DIS3L2: variants seen among roughly 807,000 people sequenced by gnomAD.
DIS3L2 encodes the protein DIS3 like 3'-5' exoribonuclease 2, also known as DIS3-like exonuclease 2.
In DIS3L2, 34 loss-of-function variants were observed where a neutral mutation model predicts 97.5. That is an observed-to-expected ratio of 0.35 (90% CI 0.27 to 0.46). The LOEUF (loss-of-function observed/expected upper bound fraction) is 0.46. Among genes scored for constraint, DIS3L2 ranks in the 20% least tolerant of loss-of-function variants. The probability of loss-of-function intolerance (pLI) is 1.00; values close to 1 mark genes in which losing one functional copy is unlikely to be tolerated. For synonymous variants in DIS3L2, 435 were observed against 445.2 expected (o/e 0.98, Z 0.29); for missense variants, 1,038 against 1,146.0 (o/e 0.91, Z 1.36).
intron 5 of DIS3L2, 102 bp from the exon 6 acceptor site, chr2:232,087,385 G>A (rs955033152): frequency 2.2e-5 from 18 of 823,426 alleles, no homozygotes; most frequent in South Asian, 3.7e-5. Context: ...GTCCAATACC[G>A]TTAGCTTCTG....
chr2:232,314,911 T>C (rs1411741112), intron 14 of DIS3L2, among the ~76,000 whole-genome samples: 1 of 152,218 alleles, frequency 6.6e-6, no homozygotes, highest in Admixed American at 6.5e-5. Flanking sequence ...TCCGTATATC[T>C]GTACCTGCCA....
intron 4 of DIS3L2, among the ~76,000 whole-genome samples, chr2:232,024,834 G>A (rs1342238748): frequency 1.3e-5 from 2 of 151,950 alleles, no homozygotes; most frequent in African/African-American, 4.8e-5. Context: ...TTACCGTTGG[G>A]TCTTTAGACC....
chr2:232,039,828 T>C (rs142287377), intron 5 of DIS3L2, among the ~76,000 whole-genome samples: 1 of 152,304 alleles, frequency 6.6e-6, no homozygotes, highest in Non-Finnish European at 1.5e-5. Context: ...CTTAATATCC[T>C]TTTCCTCAGA....
At chr2:231,973,519 A>G (rs1479615959) in intron 1 of DIS3L2, among the ~76,000 whole-genome samples, 1 of 152,204 alleles carries the variant, frequency 6.6e-6, no homozygotes, top group Non-Finnish European at 1.5e-5. Flanking sequence ...GAGGGTAGAG[A>G]TCAAGGCTAA....
intron 5 of DIS3L2, among the ~76,000 whole-genome samples, chr2:232,038,231 A>G (rs149694782): frequency 2.0e-5 from 3 of 152,326 alleles, no homozygotes; most frequent in African/African-American, 7.2e-5. Context: ...TATTAGGGCC[A>G]GGTCAAACCA....
At chr2:232,284,019 G>A (rs1038079037) in intron 13 of DIS3L2, among the ~76,000 whole-genome samples, 3 of 152,032 alleles carry the variant, frequency 2.0e-5, no homozygotes, top group Admixed American at 6.5e-5. Flanking sequence ...TACTACCTTT[G>A]CAATTTCCTG....
intron 9 of DIS3L2, among the ~76,000 whole-genome samples, chr2:232,174,915 A>G (rs1471599525): frequency 6.6e-6 from 1 of 151,838 alleles, no homozygotes; most frequent in African/African-American, 2.4e-5. Context: ...GTCACAACTC[A>G]CAATTCCAGG....
intron 10 of DIS3L2, among the ~76,000 whole-genome samples, chr2:232,222,977 T>C (rs1171275851): frequency 1.3e-5 from 2 of 152,244 alleles, no homozygotes; most frequent in Admixed American, 6.5e-5. Context: ...CTAAGTCTTA[T>C]TCCTATGTTC....
intron 1 of DIS3L2, among the ~76,000 whole-genome samples, chr2:231,976,302 G>A (rs1184831676): frequency 6.6e-6 from 1 of 151,934 alleles, no homozygotes; most frequent in African/African-American, 2.4e-5. Context: ...TTCTGATGGC[G>A]TTGCATTCCA....
intron 5 of DIS3L2, among the ~76,000 whole-genome samples, chr2:232,076,954 A>C (rs1696207613): frequency 6.6e-6 from 1 of 152,314 alleles, no homozygotes; most frequent in Non-Finnish European, 1.5e-5. Context: ...TTCCTCTGCC[A>C]ACACAAGGCC....
intron 1 of DIS3L2, among the ~76,000 whole-genome samples, chr2:231,982,855 T>C (rs1413341642): frequency 6.6e-6 from 1 of 152,180 alleles, no homozygotes; most frequent in African/African-American, 2.4e-5. Context: ...AATTTTTGTA[T>C]TTTTAGTAGA....
At chr2:232,227,000 A>C (rs999914835) in intron 10 of DIS3L2, among the ~76,000 whole-genome samples, 2 of 147,394 alleles carry the variant, frequency 1.4e-5, no homozygotes, top group Non-Finnish European at 3.0e-5. Flanking sequence ...AAACAAAAAC[A>C]AAAAAAAACC....
chr2:232,247,644 A>AGGG (rs371616089), intron 11 of DIS3L2, among the ~76,000 whole-genome samples: 1 of 8,722 alleles, frequency 1.1e-4, no homozygotes, highest in Non-Finnish European at 2.5e-4. Flanking sequence ...GGCGGGGGGG[A>AGGG]GGGTGCCAAT....
chr2:232,141,342 C>T (rs1336850084), intron 8 of DIS3L2, among the ~76,000 whole-genome samples: 4 of 152,142 alleles, frequency 2.6e-5, no homozygotes, highest in African/African-American at 7.2e-5. Flanking sequence ...TTTACAGCAG[C>T]TACCGTGAGG....
At chr2:232,024,741 C>T (rs941691329) in intron 4 of DIS3L2, among the ~76,000 whole-genome samples, 1 of 151,918 alleles carries the variant, frequency 6.6e-6, no homozygotes, top group African/African-American at 2.4e-5. Flanking sequence ...CCAAAAATAA[C>T]GTGTAATGCT....
chr2:232,338,197 T>C (rs1166095431), downstream of DIS3L2, among the ~76,000 whole-genome samples: 1 of 151,914 alleles, frequency 6.6e-6, no homozygotes, highest in African/African-American at 2.4e-5. Flanking sequence ...GCCCACCCTC[T>C]GAGGAGCAGT....
At chr2:232,213,594 AG>A (rs1378372002) in intron 10 of DIS3L2, among the ~76,000 whole-genome samples, 1 of 148,244 alleles carries the variant, frequency 6.7e-6, no homozygotes, top group Non-Finnish European at 1.5e-5. Flanking sequence ...ATTCTTGCTT[AG>A]GGGGAAAAAT....
chr2:232,277,200 T>C (rs1025340782), intron 13 of DIS3L2, among the ~76,000 whole-genome samples: 3 of 152,152 alleles, frequency 2.0e-5, no homozygotes, highest in African/African-American at 7.2e-5. Context: ...ATGGTGGTGC[T>C]GAGTTCCTTA....
chr2:232,077,549 G>T lies in DIS3L2; in HGVS notation c.367-9938G>T, dbSNP rs187007179. Among the ~76,000 whole-genome samples the T allele has an allele frequency of 1.6e-3, 243 of 152,308 alleles. 2 individuals are homozygous for T. The highest frequency in any genetic ancestry group is 5.5e-3 in the African/African-American group (229 of 41,570). ...TTCACTGCTTATTTTTATCAGCAGGGTTTTATGTGATGCCCATCCCACCCT... is the reference window on the plus strand; with the variant it reads ...TTCACTGCTTATTTTTATCAGCAGGTTTTTATGTGATGCCCATCCCACCCT... On this transcript the variant is annotated intron_variant, in intron 5 of 20. Coordinates refer to ENST00000325385, the MANE Select transcript of DIS3L2 (RefSeq NM_152383.5).
Sources: gnomAD v4.1 joint callset for allele counts (sites outside exome capture counted in the v4.1 genomes callset) on GRCh38, gnomAD v4.1.1 for gene constraint, MANE v1.5 for transcripts, NCBI Gene and HGNC (gene_info 2026-07-23, HGNC 2026-07-21) for gene names.